Variants in PTPN13 observed in about 807,000 individuals in gnomAD.
PTPN13 encodes the protein tyrosine-protein phosphatase non-receptor type 13.
Under a neutral mutation model 284.0 loss-of-function variants are expected in PTPN13, and 191 were observed. That is an observed-to-expected ratio of 0.67 (90% CI 0.60 to 0.76). PTPN13 has a LOEUF of 0.76. Ranked by LOEUF, PTPN13 falls within the 30% of genes least tolerant of loss-of-function variation. The probability of loss-of-function intolerance (pLI) is 0.00; values close to 1 mark genes in which losing one functional copy is unlikely to be tolerated. For synonymous variants in PTPN13, 986 were observed against 1,022.3 expected, an observed-to-expected ratio of 0.96 and a Z score of 0.68; for missense variants, 2,797 against 2,939.9, an observed-to-expected ratio of 0.95 and a Z score of 1.12.
intron 40 of PTPN13, among the ~76,000 whole-genome samples, chr4:86,787,592 C>CAAAA (rs71657586): frequency 0.076 from 9,895 of 130,356 alleles, 417 homozygotes; most frequent in Non-Finnish European, 0.099. Flanking sequence ...GATTCTGTCT[C>CAAAA]AAAAAAAAAA....
At chr4:86,603,332 A>G (rs1348802315) in intron 1 of PTPN13, among the ~76,000 whole-genome samples, 1 of 152,110 alleles carries the variant, frequency 6.6e-6, no homozygotes, top group African/African-American at 2.4e-5. Context: ...CAGATATATA[A>G]ATTGTAGTTT....
intron 17 of PTPN13, among the ~76,000 whole-genome samples, chr4:86,746,224 T>G (rs1736747200): frequency 6.6e-6 from 1 of 152,136 alleles, no homozygotes; most frequent in South Asian, 2.1e-4. Context: ...ATATTTAAAT[T>G]TCAGAGAGAT....
At chr4:86,629,686 T>G (rs1347379522) in intron 1 of PTPN13, among the ~76,000 whole-genome samples, 1 of 152,188 alleles carries the variant, frequency 6.6e-6, no homozygotes, top group Non-Finnish European at 1.5e-5. Flanking sequence ...CTTCAAGACC[T>G]TATTGTGTGC....
intron 15 of PTPN13, among the ~76,000 whole-genome samples, chr4:86,740,063 G>A (rs1277590922): frequency 1.3e-5 from 2 of 152,272 alleles, no homozygotes; most frequent in Non-Finnish European, 1.5e-5. Flanking sequence ...CTGGTTTCAT[G>A]GGCTGGTGTT....
At chr4:86,657,342 C>T (rs1428257285) in intron 2 of PTPN13, among the ~76,000 whole-genome samples, 1 of 152,194 alleles carries the variant, frequency 6.6e-6, no homozygotes, top group Non-Finnish European at 1.5e-5. Flanking sequence ...TGGAGCTGTT[C>T]CTATTCGGCC....
intron 10 of PTPN13, among the ~76,000 whole-genome samples, chr4:86,727,008 A>G (rs574389403): frequency 6.7e-6 from 1 of 149,506 alleles, no homozygotes; most frequent in African/African-American, 2.4e-5. Flanking sequence ...GTTTATTGAG[A>G]GTTTTTAGCA....
chr4:86,659,290 A>G (rs2148841624), intron 2 of PTPN13, among the ~76,000 whole-genome samples: 1 of 152,258 alleles, frequency 6.6e-6, no homozygotes, highest in East Asian at 1.9e-4. Context: ...TGTACACTTT[A>G]TTTGTACTAA....
intron 3 of PTPN13, among the ~76,000 whole-genome samples, chr4:86,680,341 A>G (rs535830631): frequency 7.1e-6 from 1 of 140,836 alleles, no homozygotes; most frequent in South Asian, 2.3e-4. Flanking sequence ...TTTCCTTTCT[A>G]TCTATCTCTA....
chr4:86,771,537 TATC>T lies in PTPN13; in HGVS notation c.5168+7_5168+9del. 6.4e-7 allele frequency: 1 copy of T among 1,565,980 alleles called. No homozygotes were observed. Among genetic ancestry groups the T allele is most frequent in the Non-Finnish European group, 8.7e-7 (1 of 1,152,608 alleles). On this transcript the variant is annotated splice_donor_5th_base_variant and intron_variant, in intron 31 of 47. Transcript: ENST00000411767. ...CAATAAACCAGAGTTTGAGGACAGGTATCATCAATATAATGTGAACCGCTCAAA... is the reference window on the plus strand; with the variant it reads ...CAATAAACCAGAGTTTGAGGACAGGTATCAATATAATGTGAACCGCTCAAA...
At chr4:86,713,785 T>C (rs1565391338) in intron 7 of PTPN13, among the ~76,000 whole-genome samples, 1 of 152,142 alleles carries the variant, frequency 6.6e-6, no homozygotes, top group East Asian at 1.9e-4. Flanking sequence ...TATCCTTTCT[T>C]GGGGCGTGAA....
chr4:86,631,717 C>T (rs770138859), intron 1 of PTPN13, among the ~76,000 whole-genome samples: 36 of 151,930 alleles, frequency 2.4e-4, no homozygotes, highest in Non-Finnish European at 5.2e-4. Context: ...ATAATTCGTA[C>T]CCGATTCAAT....
intron 12 of PTPN13, among the ~76,000 whole-genome samples, chr4:86,733,801 G>T (rs1450900825): frequency 6.6e-6 from 1 of 152,022 alleles, no homozygotes; most frequent in African/African-American, 2.4e-5. Flanking sequence ...GTTAACTAAT[G>T]ACATTAAAAA....
At chr4:86,616,489 T>C (rs1471345811) in intron 1 of PTPN13, among the ~76,000 whole-genome samples, 2 of 150,032 alleles carry the variant, frequency 1.3e-5, no homozygotes, top group African/African-American at 4.9e-5. Context: ...TCCTGACATG[T>C]AATCCCCAAT....
chr4:86,803,981 C>G, intron 43 of PTPN13, 124 bp downstream of exon 43: 2 of 960,984 alleles, frequency 2.1e-6, no homozygotes, highest in Non-Finnish European at 3.1e-6. Flanking sequence ...AAAGCACCAC[C>G]TTATCATATC....
chr4:86,680,347 C>CTCTA (rs56694637), intron 3 of PTPN13, among the ~76,000 whole-genome samples: 22,699 of 142,470 alleles, frequency 0.16, 1,868 homozygotes, highest in Non-Finnish European at 0.17. Context: ...TTCTATCTAT[C>CTCTA]TCTATCTATC....
intron 10 of PTPN13, among the ~76,000 whole-genome samples, chr4:86,724,358 A>G (rs1733997062): frequency 6.6e-6 from 1 of 152,176 alleles, no homozygotes; most frequent in Non-Finnish European, 1.5e-5. Flanking sequence ...CTGCACGTAC[A>G]TATACACCCC....
chr4:86,762,827 C>A lies in PTPN13; in HGVS notation c.3654C>A (p.His1218Gln). 1 of 1,613,912 alleles carries A rather than the reference C, an allele frequency of 6.2e-7. No homozygotes were observed. The change falls in exon 24 of 48, where the codon CAC (histidine) becomes CAA (glutamine). Residue 1218 changes from histidine to glutamine, a missense_variant. By Grantham distance (24) the His-to-Gln change is conservative (BLOSUM62 0). Transcript: ENST00000411767. The part of the protein sequence containing the change: ...DSAIDSSSKD[H>Q]HWSRGTLRHI... ...CTATAGATTCTTCTTCCAAGGATCA[C>A]CACTGGTCACGTGGTACCCTGAGGC... is the stretch of plus-strand genomic sequence containing the variant.
In PTPN13 at chr4:86,741,677, T is replaced by C; in HGVS notation, c.2348T>C (p.Val783Ala). The part of the protein sequence containing the change: ...LTEYGVHFHR[V>A]HPEKKSQTGI... ...GAATATGGAGTTCATTTTCACCGAG[T>C]GCACCCTGAGAAGAAGTCACAAACA... The change falls in exon 16 of 48, where the codon GTG (valine) becomes GCG (alanine). Residue 783 changes from valine to alanine, a missense_variant. Val to Ala is a moderately conservative substitution (Grantham distance 64). Transcript: ENST00000411767. 2 of 1,613,754 alleles carry C rather than the reference T, an allele frequency of 1.2e-6. No individual in the cohort carries two copies. The highest frequency in any genetic ancestry group is 1.7e-6 in the Non-Finnish European group (2 of 1,179,762).
chr4:86,625,797 A>T (rs925004185), intron 1 of PTPN13, among the ~76,000 whole-genome samples: 1 of 152,162 alleles, frequency 6.6e-6, no homozygotes, highest in Non-Finnish European at 1.5e-5. Context: ...ACGTGAAAGG[A>T]ATCTTGAGGG....
Sources: gnomAD v4.1 joint callset for allele counts (sites outside exome capture counted in the v4.1 genomes callset) on GRCh38, gnomAD v4.1.1 for gene constraint, MANE v1.5 for transcripts, NCBI Gene and HGNC (gene_info 2026-07-23, HGNC 2026-07-21) for gene names.